Variants in NFIB observed in about 807,000 individuals in gnomAD.
NFIB encodes the protein nuclear factor 1 B-type.
NFIB carries 11 observed loss-of-function variants against 61.5 expected under a neutral mutation model. That is an observed-to-expected ratio of 0.18 (90% CI 0.11 to 0.30). The LOEUF is 0.30. Among genes scored for constraint, NFIB ranks in the 10% least tolerant of loss-of-function variants. The pLI, the probability that NFIB is intolerant of heterozygous loss-of-function variation, is 1.00. For synonymous variants in NFIB, 260 were observed against 216.5 expected, an observed-to-expected ratio of 1.20 and a Z score of -1.76; for missense variants, 471 against 608.9, an observed-to-expected ratio of 0.77 and a Z score of 2.38.
chr9:14,452,304 A>G, the NFIB span, among the ~76,000 whole-genome samples: 1 of 151,502 alleles, frequency 6.6e-6, no homozygotes, highest in Non-Finnish European at 1.5e-5. Flanking sequence ...TATCCATGAT[A>G]TTTTTTACAT....
chr9:14,167,087 G>A (rs912665691), intron 3 of NFIB, among the ~76,000 whole-genome samples: 2 of 150,254 alleles, frequency 1.3e-5, no homozygotes, highest in Admixed American at 6.6e-5. Flanking sequence ...GTGTGTCGGG[G>A]GGGGGGGGTT....
At chr9:14,391,724 G>A (rs2061625151) in intron 1 of NFIB, among the ~76,000 whole-genome samples, 1 of 151,908 alleles carries the variant, frequency 6.6e-6, no homozygotes, top group African/African-American at 2.4e-5. Context: ...AGAATCAGGG[G>A]AGAAAAAAAA....
At chr9:14,217,151 A>T (rs949483287) in intron 2 of NFIB, among the ~76,000 whole-genome samples, 3 of 152,186 alleles carry the variant, frequency 2.0e-5, no homozygotes, top group Admixed American at 2.0e-4. Flanking sequence ...ATACTTAAGA[A>T]AGAATAACAT....
chr9:14,401,545 C>G (rs2061743508), upstream of NFIB, among the ~76,000 whole-genome samples: 1 of 152,160 alleles, frequency 6.6e-6, no homozygotes, highest in Admixed American at 6.5e-5. Flanking sequence ...AATAGTTACT[C>G]AACAAGTATT....
At chr9:14,430,165 G>A in the NFIB span, among the ~76,000 whole-genome samples, 2 of 152,182 alleles carry the variant, frequency 1.3e-5, no homozygotes, top group African/African-American at 2.4e-5. Context: ...TAAGCTTATG[G>A]TAATAAAGCA....
intron 3 of NFIB, among the ~76,000 whole-genome samples, chr9:14,162,339 A>G (rs1206387721): frequency 1.3e-5 from 2 of 152,032 alleles, no homozygotes; most frequent in African/African-American, 4.8e-5. Flanking sequence ...GCTATTGAAT[A>G]TTATCAAATT....
chr9:14,258,678 T>C (rs1361284650), intron 2 of NFIB, among the ~76,000 whole-genome samples: 2 of 152,262 alleles, frequency 1.3e-5, no homozygotes. Flanking sequence ...TTATTTCAAC[T>C]GTTTACTTTT....
chr9:14,414,906 C>A, the NFIB span, among the ~76,000 whole-genome samples: 1 of 152,146 alleles, frequency 6.6e-6, no homozygotes, highest in African/African-American at 2.4e-5. Flanking sequence ...GTCAGATAAG[C>A]CAAATCAAAT....
intron 3 of NFIB, among the ~76,000 whole-genome samples, chr9:14,159,232 A>G (rs747572939): frequency 1.5e-4 from 23 of 152,242 alleles, no homozygotes; most frequent in Non-Finnish European, 3.2e-4. Context: ...TTCAGAATGT[A>G]GCAGGGTGTT....
chr9:14,492,696 C>T, the NFIB span, among the ~76,000 whole-genome samples: 1 of 152,150 alleles, frequency 6.6e-6, no homozygotes, highest in African/African-American at 2.4e-5. Context: ...CCCCATGATA[C>T]AATCACCTCC....
chr9:14,373,047 G>A (rs964485269), intron 1 of NFIB, among the ~76,000 whole-genome samples: 1 of 152,144 alleles, frequency 6.6e-6, no homozygotes, highest in African/African-American at 2.4e-5. Context: ...TTTATATAGC[G>A]TTTCCTCCTC....
At chr9:14,293,491 A>C (rs1311488439) in intron 2 of NFIB, among the ~76,000 whole-genome samples, 6 of 152,232 alleles carry the variant, frequency 3.9e-5, no homozygotes, top group African/African-American at 7.2e-5. Context: ...CATGGTGAGG[A>C]GGAAATTACG....
At position 14,289,706 on chromosome 9, in the gene NFIB, T is replaced by G. The variant is rs116045783; in HGVS notation, c.562+17283A>C. Among the ~76,000 whole-genome samples the G allele has an allele frequency of 2.5e-3, 385 of 152,134 alleles. 4 individuals carry two copies. The highest frequency in any genetic ancestry group is 8.8e-3 in the African/African-American group (364 of 41,558). ...AGATAAGGATTATTATCCAGGGACT[T>G]AATTATATTACCAGTGAAATGATTT... On this transcript the variant is annotated intron_variant, in intron 2 of 10. Coordinates refer to ENST00000380953, the MANE Select transcript of NFIB (RefSeq NM_001190737.2).
chr9:14,255,404 A>G (rs1356314896), intron 2 of NFIB, among the ~76,000 whole-genome samples: 1 of 152,204 alleles, frequency 6.6e-6, no homozygotes, highest in Non-Finnish European at 1.5e-5. Context: ...CAACTGTAGC[A>G]CATATCAATG....
intron 2 of NFIB, among the ~76,000 whole-genome samples, chr9:14,294,479 C>G (rs1411534508): frequency 6.6e-6 from 1 of 152,192 alleles, no homozygotes; most frequent in Non-Finnish European, 1.5e-5. Flanking sequence ...CAACAGCAAT[C>G]CCAGTTTACA....
At chr9:14,422,617 T>C in the NFIB span, among the ~76,000 whole-genome samples, 1 of 152,200 alleles carries the variant, frequency 6.6e-6, no homozygotes, top group Non-Finnish European at 1.5e-5. Flanking sequence ...TGAGACAATA[T>C]CCTTTCACTT....
intron 2 of NFIB, among the ~76,000 whole-genome samples, chr9:14,263,714 T>C (rs1359587161): frequency 6.6e-6 from 1 of 152,198 alleles, no homozygotes; most frequent in Non-Finnish European, 1.5e-5. Flanking sequence ...TGAGCCTACA[T>C]TATCAAATTC....
At chr9:14,117,221 G>C (rs942829387) in intron 8 of NFIB, among the ~76,000 whole-genome samples, 2 of 152,116 alleles carry the variant, frequency 1.3e-5, no homozygotes, top group African/African-American at 2.4e-5. Context: ...TGACATTTGT[G>C]AGAATTAACT....
At chr9:14,458,355 T>C in the NFIB span, among the ~76,000 whole-genome samples, 1 of 152,224 alleles carries the variant, frequency 6.6e-6, no homozygotes, top group Admixed American at 6.5e-5. Context: ...TAGGTATTGA[T>C]GGGATGTATC....
Sources: allele counts gnomAD v4.1 joint callset (sites outside exome capture counted in the v4.1 genomes callset), GRCh38; gene constraint gnomAD v4.1.1; transcripts MANE v1.5; gene names NCBI Gene and HGNC (gene_info 2026-07-23, HGNC 2026-07-21).